The following RREB1 variants were observed in gnomAD, a reference collection of about 807,000 sequenced individuals.
The protein encoded by RREB1 is ras responsive element binding protein 1.
A neutral mutation model predicts 117.8 loss-of-function variants in RREB1; 27 were observed. The observed-to-expected ratio is 0.23, with a 90% CI of 0.17 to 0.32. The LOEUF (loss-of-function observed/expected upper bound fraction) is 0.32, where lower values mean the gene tolerates loss of function less well. Among genes scored for constraint, RREB1 ranks in the 10% least tolerant of loss-of-function variants. RREB1 has a pLI of 1.00. For synonymous variants in RREB1, 1,298 were observed against 1,026.7 expected (o/e 1.26, Z -5.05); for missense variants, 2,577 against 2,378.2 (o/e 1.08, Z -1.74).
chr6:7,109,646 A>G (rs539825041), intron 1 of RREB1, among the ~76,000 whole-genome samples: 1 of 152,340 alleles, frequency 6.6e-6, no homozygotes, highest in Non-Finnish European at 1.5e-5. Context: ...AGAGGAGGAA[A>G]GTATTTCTCC....
chr6:7,122,065 A>G (rs1340069743), intron 1 of RREB1, among the ~76,000 whole-genome samples: 1 of 152,172 alleles, frequency 6.6e-6, no homozygotes, highest in Non-Finnish European at 1.5e-5. Context: ...GTCTCACATG[A>G]AAGTCTTATT....
chr6:7,115,721 A>G (rs1208888736), intron 1 of RREB1, among the ~76,000 whole-genome samples: 1 of 151,496 alleles, frequency 6.6e-6, no homozygotes, highest in Non-Finnish European at 1.5e-5. Context: ...CCAACTCCCA[A>G]CTCTATATCT....
At chr6:7,179,085 A>G (rs1466737091) in intron 2 of RREB1, among the ~76,000 whole-genome samples, 4 of 152,036 alleles carry the variant, frequency 2.6e-5, no homozygotes, top group South Asian at 2.1e-4. Flanking sequence ...TAGTGAATAT[A>G]TTTTTTTCAC....
chr6:7,128,886 G>T (rs546496485), intron 1 of RREB1, among the ~76,000 whole-genome samples: 1 of 152,152 alleles, frequency 6.6e-6, no homozygotes, highest in African/African-American at 2.4e-5. Context: ...GGAGAATTGC[G>T]TGAATCCGGG....
At chr6:7,128,682 C>T (rs186123229) in intron 1 of RREB1, among the ~76,000 whole-genome samples, 3 of 151,234 alleles carry the variant, frequency 2.0e-5, no homozygotes, top group African/African-American at 7.3e-5. Flanking sequence ...ATTTGTTTGT[C>T]TTGGGGCCGG....
In RREB1 at chr6:7,189,230, C is replaced by G. The variant is rs745760355; in HGVS notation, c.333C>G (p.Ser111=). ...ICGKSLSSAS[S]LDRHMLVHSG... is the part of the protein sequence containing the mutation. The stretch of plus-strand genomic sequence containing the variant: ...GAAAGTCACTGAGCTCGGCCAGCTC[C>G]CTCGATCGCCACATGCTGGTGCACT... The change falls in exon 6 of 13, where the codon TCC becomes TCG. Residue 111 remains serine, a synonymous_variant. Coordinates refer to ENST00000379938, the MANE Select transcript of RREB1 (RefSeq NM_001003699.4). 2.4e-5 allele frequency: 39 copies of G among 1,612,954 alleles called. No individual in the cohort carries two copies. The highest frequency in any genetic ancestry group is 1.6e-4 in the Middle Eastern group (1 of 6,082).
At chr6:7,165,275 A>G (rs1763873704) in intron 1 of RREB1, among the ~76,000 whole-genome samples, 1 of 152,192 alleles carries the variant, frequency 6.6e-6, no homozygotes, top group Admixed American at 6.5e-5. Flanking sequence ...TCAGCAGGAG[A>G]TAAAAGTGTG....
rs752239176 is a variant in RREB1 at position 7,248,501 on chromosome 6, A to G, written c.4772-10A>G. On this transcript the variant is annotated splice_polypyrimidine_tract_variant and intron_variant, in intron 12 of 12. Coordinates refer to ENST00000379938, the MANE Select transcript of RREB1 (RefSeq NM_001003699.4). ...TTGGTTAATGGAAATTCTTTCTTCC[A>G]TTGTTCCAGGGGAAAGGCCATACAA... The G allele has an allele frequency of 1.6e-5, 25 of 1,612,576 alleles. 1 individual carries two copies. The South Asian group carries it at 2.4e-4, about 16-fold the overall frequency.
chr6:7,220,422 T>C (rs1293947145), intron 8 of RREB1, among the ~76,000 whole-genome samples: 1 of 149,076 alleles, frequency 6.7e-6, no homozygotes, highest in Admixed American at 6.7e-5. Flanking sequence ...CCACTGATGA[T>C]TTTTTTTTTC....
At chr6:7,242,533 G>T (rs1353997899) in intron 11 of RREB1, among the ~76,000 whole-genome samples, 1 of 152,236 alleles carries the variant, frequency 6.6e-6, no homozygotes, top group Non-Finnish European at 1.5e-5. Flanking sequence ...AAGGGACTGA[G>T]ATTTAAGTGG....
intron 6 of RREB1, 37 bp from the exon 7 acceptor site, chr6:7,210,767 T>C (rs1331543491): frequency 6.4e-7 from 1 of 1,559,218 alleles, no homozygotes; most frequent in South Asian, 1.2e-5. Context: ...CTGACTTCTT[T>C]GTTAGATCAC....
In RREB1 at chr6:7,229,611, G is replaced by A. The variant is rs1767792147; in HGVS notation, c.1512G>A (p.Met504Ile). 2 of 1,612,512 alleles carry A rather than the reference G, an allele frequency of 1.2e-6. No homozygotes were observed. Among genetic ancestry groups the A allele is most frequent in the African/African-American group, 1.3e-5 (1 of 74,904 alleles). Residue 504 changes from methionine (M) to isoleucine (I), a missense_variant, in exon 10 of 13, where the codon ATG (methionine) becomes ATA (isoleucine). Physicochemically the swap from Met to Ile is conservative, Grantham distance 10. Coordinates refer to ENST00000379938, the MANE Select transcript of RREB1 (RefSeq NM_001003699.4). The surrounding 1 kb of genome is among the most constrained non-coding windows in gnomAD (Gnocchi z 4.5). ...CACTGCAGGCGATCTTCAAGCACAT[G>A]CCCCCTCTGAAGCCAAAGCCCCTGG... ...AAPLQAIFKH[M>I]PPLKPKPLVT...
chr6:7,113,846 T>C (rs2113284983), intron 1 of RREB1, among the ~76,000 whole-genome samples: 1 of 152,360 alleles, frequency 6.6e-6, no homozygotes, highest in South Asian at 2.1e-4. Context: ...TGAACTGTGA[T>C]GACATGTATC....
At chr6:7,142,832 C>T (rs746150405) in intron 1 of RREB1, among the ~76,000 whole-genome samples, 3 of 152,214 alleles carry the variant, frequency 2.0e-5, no homozygotes, top group Admixed American at 6.5e-5. Flanking sequence ...CTTTGGTGGT[C>T]GCTTTTCTCT....
intron 8 of RREB1, among the ~76,000 whole-genome samples, chr6:7,221,735 G>A (rs1767272835): frequency 1.3e-5 from 2 of 152,178 alleles, no homozygotes; most frequent in South Asian, 4.1e-4. Context: ...GGATGAGGCA[G>A]AAGACTGGCC....
intron 1 of RREB1, among the ~76,000 whole-genome samples, chr6:7,146,225 A>T (rs1762850788): frequency 6.6e-6 from 1 of 152,172 alleles, no homozygotes; most frequent in Admixed American, 6.5e-5. Flanking sequence ...TGTGGGCCTC[A>T]GCCTTGCCAT....
intron 1 of RREB1, among the ~76,000 whole-genome samples, chr6:7,112,672 A>C (rs1039766849): frequency 6.6e-6 from 1 of 152,064 alleles, no homozygotes; most frequent in African/African-American, 2.4e-5. Context: ...CTTATTTTTC[A>C]TTTCCCCCAC....
At position 7,188,248 on chromosome 6, in the gene RREB1, TGTGTGC is replaced by T. The variant is rs1273856480; in HGVS notation, c.261+727_261+732del. On this transcript the variant is annotated intron_variant, in intron 5 of 12. Transcript: ENST00000379938. Reference sequence around the variant, plus strand: ...ACACGTGTGTGTGTGTGTGTGTGTGTGTGTGCGCGCGCGCACGTGTGTGACGGAGTC... The same window carrying T: ...ACACGTGTGTGTGTGTGTGTGTGTGTGCGCGCGCACGTGTGTGACGGAGTC... Among the ~76,000 whole-genome samples the T allele has an allele frequency of 1.1e-3, 165 of 145,526 alleles. 1 individual carries two copies. The highest frequency in any genetic ancestry group is 1.2e-3 in the Non-Finnish European group (79 of 65,686).
chr6:7,196,921 C>T (rs1026616845), intron 6 of RREB1, among the ~76,000 whole-genome samples: 1 of 152,146 alleles, frequency 6.6e-6, no homozygotes, highest in South Asian at 2.1e-4. Context: ...ACATGTAGCA[C>T]GGAAACATCA....
Sources: gnomAD v4.1 joint callset for allele counts (sites outside exome capture counted in the v4.1 genomes callset) on GRCh38, gnomAD v4.1.1 for gene constraint, Gnocchi (gnomAD v3.1) non-coding constraint, MANE v1.5 for transcripts, NCBI Gene and HGNC (gene_info 2026-07-23, HGNC 2026-07-21) for gene names.